The following MCCC1 variants were observed in gnomAD, a reference collection of about 807,000 sequenced individuals.
MCCC1 encodes the protein methylcrotonoyl-CoA carboxylase subunit alpha, mitochondrial.
MCCC1 carries 64 observed loss-of-function variants against 83.8 expected under a neutral mutation model. The observed-to-expected ratio is 0.76, with a 90% confidence interval of 0.62 to 0.94. The LOEUF is 0.94. Ranked by LOEUF, MCCC1 falls within the 40% of genes least tolerant of loss-of-function variation. MCCC1 has a pLI of 0.00. For synonymous variants in MCCC1, 322 were observed against 315.4 expected (o/e 1.02, Z -0.22); for missense variants, 807 against 904.7 (o/e 0.89, Z 1.39).
intron 1 of MCCC1, among the ~76,000 whole-genome samples, chr3:183,113,802 C>A (rs576023693): frequency 6.6e-6 from 1 of 152,094 alleles, no homozygotes; most frequent in Middle Eastern, 3.4e-3. Context: ...ATTAATAGAA[C>A]CTGAGGAGGG....
Position 183,057,311 on chromosome 3 carries a change from C to T in MCCC1, c.873G>A (p.Ala291=), listed in dbSNP as rs138794621. 45 of 1,597,604 alleles carry T rather than the reference C, an allele frequency of 2.8e-5. 1 individual carries two copies. Among genetic ancestry groups the T allele is most frequent in the Middle Eastern group, 1.6e-4 (1 of 6,080 alleles). ...ACAAATTTCTTTCCAAGGTCCTTAC[C>T]GCTGGGGCCTCCTCAATGATCTTCT... ...RHQKIIEEAP[A]PGIKSEVRKK... Residue 291 remains alanine, a splice_region_variant and synonymous_variant, in exon 8 of 19, where the codon GCG becomes GCA. Transcript: ENST00000265594.
chr3:183,033,346 G>A (rs376711030), intron 14 of MCCC1, among the ~76,000 whole-genome samples: 2 of 152,224 alleles, frequency 1.3e-5, no homozygotes, highest in Admixed American at 6.5e-5. Context: ...AAGAGTAGGT[G>A]TGAATCCTAG....
At chr3:183,034,190 C>T (rs777371649) in intron 13 of MCCC1, 113 bp from the exon 14 acceptor site, 10 of 746,192 alleles carry the variant, frequency 1.3e-5, no homozygotes, top group East Asian at 2.7e-5. Flanking sequence ...GTGGCTCATG[C>T]CTGTAATCCC....
intron 8 of MCCC1, 59 bp from the exon 9 acceptor site, chr3:183,052,299 T>C: frequency 4.1e-6 from 6 of 1,480,232 alleles, no homozygotes; most frequent in Middle Eastern, 1.7e-4. Context: ...AGAAATTCCA[T>C]TAAAATTCAA....
intron 1 of MCCC1, among the ~76,000 whole-genome samples, chr3:183,096,771 T>C (rs1718769157): frequency 6.6e-6 from 1 of 152,198 alleles, no homozygotes; most frequent in South Asian, 2.1e-4. Flanking sequence ...CAGCTGATGT[T>C]ACCTTCTTGA....
Position 183,099,380 on chromosome 3 carries a change from G to T in MCCC1, c.61C>A (p.Arg21Ser), listed in dbSNP as rs766657375. The change falls in exon 1 of 19, where the codon CGT becomes AGT. Residue 21 changes from arginine to serine, a missense_variant. By Grantham distance (110) the Arg-to-Ser change is moderately radical. Coordinates refer to ENST00000265594, the MANE Select transcript of MCCC1 (RefSeq NM_020166.5). ...GGCGGCAGGAGCAGGCTCGGGAGAC[G>T]ATGCCACCGGTTCCTCTCCGCCGCC... ...LVAAERNRWH[R>S]LPSLLLPPRT... 6.2e-7 allele frequency: 1 copy of T among 1,603,142 alleles called. No individual in the cohort carries two copies. The highest frequency in any genetic ancestry group is 1.1e-5 in the South Asian group (1 of 89,778).
At chr3:183,016,590 G>T (rs554949008) in intron 18 of MCCC1, among the ~76,000 whole-genome samples, 5 of 152,304 alleles carry the variant, frequency 3.3e-5, no homozygotes, top group Admixed American at 1.3e-4. Context: ...TGGGTCTGGG[G>T]AAGAATTTTT....
chr3:183,043,424 A>G (rs1714278509), intron 10 of MCCC1, among the ~76,000 whole-genome samples: 1 of 152,238 alleles, frequency 6.6e-6, no homozygotes, highest in Admixed American at 6.5e-5. Context: ...TCAGGCTGAC[A>G]CTGGCTCTCC....
At position 183,020,864 on chromosome 3, in the gene MCCC1, C is replaced by T. The variant is rs1207078024; in HGVS notation, c.1870-627G>A. On this transcript the variant is annotated intron_variant, in intron 16 of 18. Transcript: ENST00000265594. ...CACGAGGTCAGGGGATCAAAACCAT[C>T]CTGGCTAACATGGTGAAACCCCATC... 3.3e-5 allele frequency among the ~76,000 whole-genome samples: 5 copies of T among 152,062 alleles called. No individual in the cohort carries two copies. The South Asian group carries it at 6.2e-4, about 19-fold the overall frequency.
intron 4 of MCCC1, among the ~76,000 whole-genome samples, chr3:183,084,203 T>C (rs989650656): frequency 6.6e-6 from 1 of 152,234 alleles, no homozygotes; most frequent in Non-Finnish European, 1.5e-5. Flanking sequence ...AGCTTAAAAG[T>C]CTGAATTTCT....
At chr3:183,111,169 G>C (rs1277861418) in intron 1 of MCCC1, among the ~76,000 whole-genome samples, 1 of 152,160 alleles carries the variant, frequency 6.6e-6, no homozygotes, top group African/African-American at 2.4e-5. Flanking sequence ...ACACAGCATG[G>C]TAAGTCGAGT....
intron 3 of MCCC1, among the ~76,000 whole-genome samples, chr3:183,087,335 A>G: frequency 6.6e-6 from 1 of 152,178 alleles, no homozygotes; most frequent in East Asian, 1.9e-4. Context: ...TCATTCCAAG[A>G]CTTACTGAAG....
chr3:183,052,263 A>T lies in MCCC1; in HGVS notation c.874-23T>A, dbSNP rs371073231. The T allele has an allele frequency of 1.9e-6, 3 of 1,596,658 alleles. No homozygotes were observed. In the African/African-American group the frequency reaches 4.0e-5, roughly 21 times the overall value. ...AGGCTATGAAAAAAATATGTAAATA[A>T]ATCTCCATTAGTAGCTTGCCTTACT... On this transcript the variant is annotated intron_variant, in intron 8 of 18. Coordinates refer to ENST00000265594, the MANE Select transcript of MCCC1 (RefSeq NM_020166.5).
intron 7 of MCCC1, among the ~76,000 whole-genome samples, chr3:183,062,137 T>C (rs1715883529): frequency 6.6e-6 from 1 of 152,164 alleles, no homozygotes; most frequent in South Asian, 2.1e-4. Context: ...GTGAGTCCAT[T>C]AAACCTCTTT....
At chr3:183,042,928 G>A (rs1560225786) in intron 10 of MCCC1, among the ~76,000 whole-genome samples, 1 of 152,172 alleles carries the variant, frequency 6.6e-6, no homozygotes, top group African/African-American at 2.4e-5. Flanking sequence ...CTATAAAGAC[G>A]CATGCATGTG....
At chr3:183,109,714 A>C (rs570452897) in intron 1 of MCCC1, among the ~76,000 whole-genome samples, 32 of 152,338 alleles carry the variant, frequency 2.1e-4, no homozygotes, top group African/African-American at 7.5e-4. Context: ...TGTGATGAAC[A>C]TATGAGTGTG....
In MCCC1 at chr3:183,025,810, T is replaced by G; in HGVS notation, c.1682-6A>C. 1 of 1,611,592 alleles carries G rather than the reference T, an allele frequency of 6.2e-7. No individual in the cohort carries two copies. Among genetic ancestry groups the G allele is most frequent in the African/African-American group, 1.3e-5 (1 of 74,942 alleles). Reference sequence around the variant, plus strand: ...CGTTACAGCTATGGCTACATCTTTATGGAAAAAGGGAAAAAATGAAGAAAA... The same window carrying G: ...CGTTACAGCTATGGCTACATCTTTAGGGAAAAAGGGAAAAAATGAAGAAAA... On this transcript the variant is annotated splice_polypyrimidine_tract_variant and splice_region_variant and intron_variant, in intron 14 of 18. Transcript: ENST00000265594.
chr3:183,045,732 T>C (rs1199666000), intron 9 of MCCC1, among the ~76,000 whole-genome samples, 192 bp from the exon 10 acceptor site: 3 of 152,184 alleles, frequency 2.0e-5, no homozygotes, highest in Non-Finnish European at 4.4e-5. Context: ...TGCATGAAAT[T>C]TGGCAACGGA....
intron 15 of MCCC1, among the ~76,000 whole-genome samples, chr3:183,025,305 TCAC>T (rs1268341191): frequency 6.6e-6 from 1 of 152,254 alleles, no homozygotes; most frequent in African/African-American, 2.4e-5. Context: ...TATGTGTATT[TCAC>T]CACAATTAAA....
Sources: gnomAD v4.1 joint callset for allele counts (sites outside exome capture counted in the v4.1 genomes callset) on GRCh38, gnomAD v4.1.1 for gene constraint, MANE v1.5 for transcripts, NCBI Gene and HGNC (gene_info 2026-07-23, HGNC 2026-07-21) for gene names.